EIF4G3: variants seen among roughly 807,000 people sequenced by gnomAD.
EIF4G3 encodes the protein eukaryotic translation initiation factor 4 gamma 3, also known as eIF-4-gamma 3.
EIF4G3 carries 34 observed loss-of-function variants against 186.4 expected under a neutral mutation model. That is an observed-to-expected ratio of 0.18 (90% CI 0.14 to 0.24). The LOEUF is 0.24. Among genes scored for constraint, EIF4G3 ranks in the 10% least tolerant of loss-of-function variants. EIF4G3 has a pLI of 1.00. For synonymous variants in EIF4G3, 673 were observed against 679.5 expected, an observed-to-expected ratio of 0.99 and a Z score of 0.15; for missense variants, 1,536 against 1,948.5, an observed-to-expected ratio of 0.79 and a Z score of 3.99.
At chr1:20,887,218 G>C (rs1005507776) in intron 18 of EIF4G3, among the ~76,000 whole-genome samples, 59 of 131,824 alleles carry the variant, frequency 4.5e-4, no homozygotes, top group African/African-American at 1.5e-3. Context: ...ACTGCCACCA[G>C]ATTTTTTTTT....
chr1:21,055,269 C>A (rs956454203), intron 3 of EIF4G3, among the ~76,000 whole-genome samples: 1 of 151,656 alleles, frequency 6.6e-6, no homozygotes, highest in Non-Finnish European at 1.5e-5. Context: ...ATTTTTAACA[C>A]GGGAAAAATT....
intron 2 of EIF4G3, among the ~76,000 whole-genome samples, chr1:21,144,668 T>C (rs1484192294): frequency 6.6e-6 from 1 of 152,176 alleles, no homozygotes; most frequent in Non-Finnish European, 1.5e-5. Flanking sequence ...TGAGCCTAAA[T>C]AGTAAAATGG....
intron 29 of EIF4G3, 33 bp downstream of exon 29, chr1:20,849,382 C>T: frequency 8.3e-7 from 1 of 1,209,556 alleles, no homozygotes; most frequent in Non-Finnish European, 1.2e-6. Flanking sequence ...AAAGGACTTA[C>T]TGTGTGTGTG....
intron 33 of EIF4G3, among the ~76,000 whole-genome samples, chr1:20,823,571 C>T (rs765364842): frequency 6.6e-6 from 1 of 151,968 alleles, no homozygotes; most frequent in Admixed American, 6.6e-5. Flanking sequence ...AGACAGGTCT[C>T]ACTATGTTGT....
intron 4 of EIF4G3, among the ~76,000 whole-genome samples, chr1:21,005,850 A>T (rs568292194): frequency 6.6e-6 from 1 of 152,314 alleles, no homozygotes; most frequent in South Asian, 2.1e-4. Flanking sequence ...AAACAGACTT[A>T]AAAAATAAAA....
intron 4 of EIF4G3, among the ~76,000 whole-genome samples, chr1:21,010,174 C>T (rs1157710447): frequency 1.3e-5 from 2 of 152,002 alleles, no homozygotes; most frequent in Admixed American, 6.6e-5. Context: ...AGGCCTGGCA[C>T]GATGGCTCAC....
chr1:21,027,820 G>A (rs2092328012), intron 4 of EIF4G3, among the ~76,000 whole-genome samples: 1 of 152,122 alleles, frequency 6.6e-6, no homozygotes, highest in African/African-American at 2.4e-5. Flanking sequence ...GAGGTCTTAA[G>A]GGAGTTCTTT....
intron 12 of EIF4G3, among the ~76,000 whole-genome samples, chr1:20,955,944 T>A (rs766054983): frequency 1.3e-5 from 2 of 152,078 alleles, no homozygotes; most frequent in Non-Finnish European, 2.9e-5. Context: ...AAGTCAAAAA[T>A]TGGGTATCTA....
chr1:21,119,607 A>G (rs979265190), intron 2 of EIF4G3, among the ~76,000 whole-genome samples: 4 of 152,216 alleles, frequency 2.6e-5, no homozygotes, highest in Admixed American at 2.6e-4. Context: ...AGTAAATATT[A>G]TGTAATTTGA....
At chr1:20,998,800 A>G (rs1203506714) in intron 6 of EIF4G3, 3 of 414,922 alleles carry the variant, frequency 7.2e-6, no homozygotes, top group Non-Finnish European at 9.6e-6. Flanking sequence ...ATAGTAAAAG[A>G]AAATATTTAG....
chr1:20,854,958 G>A lies in EIF4G3; in HGVS notation c.3433+20C>T. ...GCTAACAAGCCACAGCCAGGTTTGA[G>A]AAGGGACACACACACTTACCAGTCT... is the stretch of plus-strand genomic sequence containing the variant. On this transcript the variant is annotated intron_variant, in intron 26 of 36. Coordinates refer to ENST00000602326, the MANE Select transcript of EIF4G3 (RefSeq NM_001391906.1). 6.2e-7 allele frequency: 1 copy of A among 1,602,906 alleles called. No individual in the cohort carries two copies. The highest frequency in any genetic ancestry group is 1.1e-5 in the South Asian group (1 of 90,466).
intron 7 of EIF4G3, among the ~76,000 whole-genome samples, chr1:20,993,161 A>G (rs1045730141): frequency 1.3e-5 from 2 of 152,214 alleles, no homozygotes; most frequent in African/African-American, 2.4e-5. Context: ...ACTAATAGTA[A>G]TATCAGGAAG....
chr1:21,089,707 C>T (rs2096118687), intron 2 of EIF4G3, among the ~76,000 whole-genome samples: 1 of 149,110 alleles, frequency 6.7e-6, no homozygotes, highest in Non-Finnish European at 1.5e-5. Context: ...ATCACTTGAG[C>T]ACAGGAGTTT....
chr1:20,896,980 G>C (rs2088420975), intron 16 of EIF4G3, among the ~76,000 whole-genome samples: 1 of 152,160 alleles, frequency 6.6e-6, no homozygotes, highest in Non-Finnish European at 1.5e-5. Context: ...TCTTTTGTTT[G>C]CACAAGGAAG....
chr1:21,071,852 C>T (rs2095452170), intron 3 of EIF4G3, among the ~76,000 whole-genome samples: 1 of 151,508 alleles, frequency 6.6e-6, no homozygotes, highest in African/African-American at 2.4e-5. Flanking sequence ...AAGAAAAGCA[C>T]TTAAACAGCT....
chr1:21,065,113 A>T (rs531697851), intron 3 of EIF4G3: 1 of 152,224 alleles, frequency 6.6e-6, no homozygotes, highest in Admixed American at 6.5e-5. Flanking sequence ...ATCCAAGGTA[A>T]GTGAATTCTA....
chr1:21,154,463 A>G (rs557505686), intron 2 of EIF4G3, among the ~76,000 whole-genome samples: 2 of 152,342 alleles, frequency 1.3e-5, no homozygotes, highest in East Asian at 1.9e-4. Flanking sequence ...TCTGGTTTTG[A>G]GTATTTTCAA....
chr1:20,953,960 A>G (rs1414959424), intron 12 of EIF4G3, among the ~76,000 whole-genome samples: 2 of 152,240 alleles, frequency 1.3e-5, no homozygotes, highest in Non-Finnish European at 2.9e-5. Context: ...CAATGGCAGA[A>G]TCGAAGAGTG....
At chr1:20,845,540 T>C (rs2070624848) in intron 29 of EIF4G3, among the ~76,000 whole-genome samples, 1 of 152,024 alleles carries the variant, frequency 6.6e-6, no homozygotes, top group South Asian at 2.1e-4. Flanking sequence ...CGGGCGCCTG[T>C]AGTCTGAGCT....
Sources: allele counts gnomAD v4.1 joint callset (sites outside exome capture counted in the v4.1 genomes callset), GRCh38; gene constraint gnomAD v4.1.1; transcripts MANE v1.5; gene names NCBI Gene and HGNC (gene_info 2026-07-23, HGNC 2026-07-21).